AOPEP: variants seen among roughly 807,000 people sequenced by gnomAD.
The protein encoded by AOPEP is aminopeptidase O (putative), also known as aminopeptidase O.
A neutral mutation model predicts 98.1 loss-of-function variants in AOPEP; 77 were observed. That is an observed-to-expected ratio of 0.78 (90% CI 0.65 to 0.95). The LOEUF (loss-of-function observed/expected upper bound fraction) is 0.95, where lower values mean the gene tolerates loss of function less well. Ranked by LOEUF, AOPEP falls within the 40% of genes least tolerant of loss-of-function variation. The pLI is 0.00. For synonymous variants in AOPEP, 346 were observed against 365.3 expected (o/e 0.95, Z 0.60); for missense variants, 1,024 against 1,024.7 (o/e 1.00, Z 0.01).
intron 1 of AOPEP, among the ~76,000 whole-genome samples, chr9:94,738,977 G>C (rs1189226306): frequency 6.6e-6 from 1 of 152,212 alleles, no homozygotes; most frequent in Non-Finnish European, 1.5e-5. Context: ...TATCTATTCA[G>C]AAAGTGTCTA....
Position 95,067,175 on chromosome 9 carries a change from C to A in AOPEP, c.2232+6365C>A, listed in dbSNP as rs527918359. Among the ~76,000 whole-genome samples the A allele has an allele frequency of 1.2e-3, 189 of 152,196 alleles. 1 individual carries two copies. The highest frequency in any genetic ancestry group is 3.8e-3 in the Admixed American group (58 of 15,282). The stretch of plus-strand genomic sequence containing the variant: ...ACCAGGATGTGAGAGGTGGATCTGT[C>A]TGGACTTCAGGCTGTGAGAACCTCA... On this transcript the variant is annotated intron_variant, in intron 14 of 16. Coordinates refer to ENST00000375315, the MANE Select transcript of AOPEP (RefSeq NM_001193329.3).
chr9:95,127,270 A>G, the AOPEP span: 1 of 152,564 alleles, frequency 6.6e-6, no homozygotes, highest in Non-Finnish European at 1.5e-5. Context: ...CTGGTTCCCT[A>G]TCTTTTTGGC....
chr9:95,110,521 C>T, the AOPEP span: 2 of 1,030,674 alleles, frequency 1.9e-6, no homozygotes, highest in East Asian at 6.2e-5. Flanking sequence ...ATAATTTTTT[C>T]ACAAAGCTTT....
downstream of AOPEP, among the ~76,000 whole-genome samples, chr9:95,088,275 T>C (rs1303273695): frequency 6.6e-6 from 1 of 152,056 alleles, no homozygotes; most frequent in East Asian, 1.9e-4. Context: ...AATGGCACGA[T>C]CTCTGTACAC....
At position 95,005,153 on chromosome 9, in the gene AOPEP, C is replaced by T. The variant is rs771194562; in HGVS notation, c.1978-5C>T. 2.6e-6 allele frequency: 3 copies of T among 1,146,558 alleles called. No individual in the cohort carries two copies. The highest frequency in any genetic ancestry group is 3.9e-4 in the Middle Eastern group (1 of 2,586). The allele number at this position is 1,146,558 out of a possible 1,614,324, so 71.0% of individuals were successfully genotyped here. A position where few individuals can be genotyped will look rare whatever the true frequency, so the allele number is the denominator to read the frequency against. On this transcript the variant is annotated splice_polypyrimidine_tract_variant and splice_region_variant and intron_variant, in intron 11 of 16. Coordinates refer to ENST00000375315, the MANE Select transcript of AOPEP (RefSeq NM_001193329.3). Reference sequence around the variant, plus strand: ...TAAACTTGACTGTGTCCTCTTCCCCCGCAGCCGCTGCAGAGGGAGCGTCGC... The same window carrying T: ...TAAACTTGACTGTGTCCTCTTCCCCTGCAGCCGCTGCAGAGGGAGCGTCGC...
chr9:94,827,719 C>T (rs990413474), intron 5 of AOPEP, among the ~76,000 whole-genome samples: 3 of 152,040 alleles, frequency 2.0e-5, no homozygotes, highest in African/African-American at 7.3e-5. Flanking sequence ...AAACCAGGCC[C>T]CAGCAGAAAA....
chr9:94,823,591 C>T (rs1302770620), intron 5 of AOPEP, among the ~76,000 whole-genome samples: 4 of 152,196 alleles, frequency 2.6e-5, no homozygotes, highest in Non-Finnish European at 4.4e-5. Flanking sequence ...TAGGTGTCCA[C>T]TGCCCTTTGT....
At chr9:94,944,186 C>T (rs2057366333) in intron 7 of AOPEP, among the ~76,000 whole-genome samples, 1 of 152,156 alleles carries the variant, frequency 6.6e-6, no homozygotes, top group Non-Finnish European at 1.5e-5. Flanking sequence ...TGGAAAACAG[C>T]CTGGTGGTTC....
the AOPEP span, among the ~76,000 whole-genome samples, chr9:95,148,325 G>C: frequency 2.6e-5 from 4 of 152,352 alleles, no homozygotes; most frequent in African/African-American, 9.6e-5. Context: ...AACTCTTTCA[G>C]CAGTGGGCTC....
chr9:94,957,778 C>T (rs1340345571), intron 9 of AOPEP, among the ~76,000 whole-genome samples: 3 of 152,020 alleles, frequency 2.0e-5, no homozygotes, highest in Non-Finnish European at 4.4e-5. Context: ...CTTTTCTGGA[C>T]ATTTCATATA....
At chr9:95,111,114 C>A in the AOPEP span, 1 of 1,525,806 alleles carries the variant, frequency 6.6e-7, no homozygotes, top group Non-Finnish European at 8.8e-7. Context: ...TGCCGGCACA[C>A]CCCTCAGAAC....
intron 7 of AOPEP, among the ~76,000 whole-genome samples, chr9:94,936,686 G>T (rs1251512954): frequency 6.6e-6 from 1 of 152,128 alleles, no homozygotes; most frequent in Admixed American, 6.5e-5. Context: ...CAGAGCATCA[G>T]ATCCCACAGG....
intron 1 of AOPEP, among the ~76,000 whole-genome samples, chr9:94,746,585 G>A (rs1412005731): frequency 3.3e-5 from 5 of 152,158 alleles, no homozygotes; most frequent in Non-Finnish European, 7.4e-5. Context: ...CAAGCAAGTA[G>A]CAATCAAAGG....
intron 5 of AOPEP, among the ~76,000 whole-genome samples, chr9:94,868,671 C>G (rs567941299): frequency 4.3e-4 from 65 of 152,298 alleles, no homozygotes; most frequent in African/African-American, 1.5e-3. Context: ...GACAGCAGAT[C>G]ATTAAACCAA....
intron 13 of AOPEP, among the ~76,000 whole-genome samples, chr9:95,030,548 C>T (rs1393338920): frequency 6.6e-6 from 1 of 152,236 alleles, no homozygotes; most frequent in Non-Finnish European, 1.5e-5. Context: ...AGAGCAGCGT[C>T]TGAGCCTCAT....
chr9:94,844,564 C>T (rs2042631809), intron 5 of AOPEP, among the ~76,000 whole-genome samples: 1 of 152,104 alleles, frequency 6.6e-6, no homozygotes, highest in African/African-American at 2.4e-5. Context: ...CTGTAGTCAC[C>T]CTACTGTATA....
intron 9 of AOPEP, among the ~76,000 whole-genome samples, chr9:94,962,463 G>A (rs184007126): frequency 1.3e-5 from 2 of 152,330 alleles, no homozygotes; most frequent in East Asian, 3.9e-4. Flanking sequence ...AGAGTTAGAA[G>A]CTGTGTTTGA....
At position 94,798,356 on chromosome 9, in the gene AOPEP, G is replaced by C. The variant is rs1847498680; in HGVS notation, c.1119-2401G>C. Among the ~76,000 whole-genome samples, 3 of 152,262 alleles carry C rather than the reference G, an allele frequency of 2.0e-5. No individual in the cohort carries two copies. The South Asian group carries it at 6.2e-4, about 32-fold the overall frequency. On this transcript the variant is annotated intron_variant, in intron 4 of 16. Transcript: ENST00000375315. ...TCTGAGCTAGTGCCTTTTATGCCCAGAGAGATTCTAACTTGCCTTGTTCCT... is the reference window on the plus strand; with the variant it reads ...TCTGAGCTAGTGCCTTTTATGCCCACAGAGATTCTAACTTGCCTTGTTCCT...
At chr9:95,109,799 T>TTCAA in the AOPEP span, 4 of 152,282 alleles carry the variant, frequency 2.6e-5, no homozygotes, top group Non-Finnish European at 5.9e-5. Context: ...CTAATTTCAA[T>TTCAA]TCAATCACAT....
Sources: allele counts gnomAD v4.1 joint callset (sites outside exome capture counted in the v4.1 genomes callset), GRCh38; gene constraint gnomAD v4.1.1; transcripts MANE v1.5; gene names NCBI Gene and HGNC (gene_info 2026-07-23, HGNC 2026-07-21).